Variants in USH2A observed in about 807,000 individuals in gnomAD.
The protein encoded by USH2A is usherin, also known as Usher syndrome 2A (autosomal recessive, mild).
In USH2A, 443 loss-of-function variants were observed where a neutral mutation model predicts 538.9. The ratio of observed to expected loss-of-function variants is 0.82; its 90% CI spans 0.76 to 0.89. The LOEUF is 0.89. Among genes scored for constraint, USH2A ranks in the 40% least tolerant of loss-of-function variants. USH2A has a pLI of 0.00. For missense variants in USH2A, 6,633 were observed against 6,324.8 expected, an observed-to-expected ratio of 1.05 and a Z score of -1.65; for synonymous variants, 2,413 against 2,273.5, an observed-to-expected ratio of 1.06 and a Z score of -1.75.
intron 64 of USH2A, among the ~76,000 whole-genome samples, chr1:215,667,785 C>G (rs1657679546): frequency 6.6e-6 from 1 of 152,122 alleles, no homozygotes; most frequent in Non-Finnish European, 1.5e-5. Flanking sequence ...GCGATACCCT[C>G]TTCTATCACT....
At chr1:216,174,771 G>A (rs998924128) in intron 21 of USH2A, 47 of 997,234 alleles carry the variant, frequency 4.7e-5, no homozygotes, top group Non-Finnish European at 5.6e-5. Context: ...GAAACAGCAA[G>A]AGAAAGAAAA....
At chr1:216,322,789 C>T (rs1188623391) in intron 8 of USH2A, among the ~76,000 whole-genome samples, 1 of 151,726 alleles carries the variant, frequency 6.6e-6, no homozygotes, top group African/African-American at 2.4e-5. Context: ...GTATTTTGGT[C>T]TGCTTTTAAA....
intron 20 of USH2A, among the ~76,000 whole-genome samples, chr1:216,185,572 A>C (rs570563552): frequency 6.6e-6 from 1 of 152,050 alleles, no homozygotes; most frequent in Admixed American, 6.6e-5. Context: ...CATATGAGCT[A>C]TTAGACATAA....
intron 70 of USH2A, among the ~76,000 whole-genome samples, chr1:215,633,458 T>C (rs1407303163): frequency 3.3e-5 from 5 of 152,170 alleles, no homozygotes; most frequent in Non-Finnish European, 7.3e-5. Context: ...TCCAGCTATG[T>C]TGGGGCTTAA....
chr1:216,306,124 C>T (rs962148165), intron 9 of USH2A, among the ~76,000 whole-genome samples: 2 of 152,080 alleles, frequency 1.3e-5, no homozygotes, highest in African/African-American at 4.8e-5. Context: ...GTTTAGATTT[C>T]TCTTCTTCCT....
chr1:215,969,643 C>T (rs965238936), intron 36 of USH2A, among the ~76,000 whole-genome samples: 6 of 151,636 alleles, frequency 4.0e-5, no homozygotes, highest in South Asian at 2.1e-4. Context: ...CTATAAAATG[C>T]TTAATGGCAA....
intron 14 of USH2A, among the ~76,000 whole-genome samples, chr1:216,218,228 T>G (rs146381961): frequency 2.4e-3 from 362 of 152,290 alleles, no homozygotes; most frequent in African/African-American, 8.3e-3. Flanking sequence ...GTAAGATAAC[T>G]TTAGTGCAAC....
In USH2A at chr1:216,046,612, T is replaced by C. The variant is rs879507418; in HGVS notation, c.6164-20A>G. 1.9e-6 allele frequency: 3 copies of C among 1,613,308 alleles called. No homozygotes were observed. Among genetic ancestry groups the C allele is most frequent in the Non-Finnish European group, 2.5e-6 (3 of 1,179,524 alleles). ...GTGGGGCTGTGGAAGAAAAGATTTA[T>C]AGAGTCTAATTTTAGTTTACTTTTC... On this transcript the variant is annotated intron_variant, in intron 31 of 71. Transcript: ENST00000307340.
chr1:215,729,004 T>C lies in USH2A; in HGVS notation c.11712-620A>G, dbSNP rs12034292. Among the ~76,000 whole-genome samples the C allele has an allele frequency of 6.4e-4, 97 of 152,264 alleles. No homozygotes were observed. The East Asian group carries it at 0.017, about 26-fold the overall frequency. Reference sequence around the variant, plus strand: ...AAATGGATTGCAGCTAGGGTCCCAATGTGTTTGTCTTCCTGTATCCAGGCC... The same window carrying C: ...AAATGGATTGCAGCTAGGGTCCCAACGTGTTTGTCTTCCTGTATCCAGGCC... On this transcript the variant is annotated intron_variant, in intron 60 of 71. Coordinates refer to ENST00000307340, the MANE Select transcript of USH2A (RefSeq NM_206933.4).
chr1:215,644,966 G>A (rs973562503), intron 67 of USH2A, among the ~76,000 whole-genome samples: 1 of 152,196 alleles, frequency 6.6e-6, no homozygotes, highest in Non-Finnish European at 1.5e-5. Flanking sequence ...GGGATGGTGA[G>A]TAATGAAGTG....
chr1:215,811,227 C>T (rs1662665200), intron 49 of USH2A, among the ~76,000 whole-genome samples: 2 of 152,146 alleles, frequency 1.3e-5, no homozygotes, highest in Non-Finnish European at 2.9e-5. Flanking sequence ...CAAACTTGCT[C>T]CTTGCTTGGG....
intron 49 of USH2A, among the ~76,000 whole-genome samples, chr1:215,807,380 T>C (rs1662533480): frequency 6.6e-6 from 1 of 152,120 alleles, no homozygotes; most frequent in Non-Finnish European, 1.5e-5. Context: ...CTGAGCGATA[T>C]TTAATTTCCC....
chr1:215,833,211 T>G (rs1663373672), intron 47 of USH2A, among the ~76,000 whole-genome samples: 1 of 151,868 alleles, frequency 6.6e-6, no homozygotes, highest in African/African-American at 2.4e-5. Flanking sequence ...TTTCTGAAAT[T>G]TATATGGACA....
At chr1:216,130,615 T>C (rs893403400) in intron 21 of USH2A, among the ~76,000 whole-genome samples, 10 of 146,286 alleles carry the variant, frequency 6.8e-5, no homozygotes, top group Non-Finnish European at 1.2e-4. Flanking sequence ...ATATATACTA[T>C]ATATATACAT....
intron 37 of USH2A, among the ~76,000 whole-genome samples, chr1:215,953,790 G>A (rs1306214574): frequency 2.0e-5 from 3 of 151,676 alleles, no homozygotes; most frequent in Non-Finnish European, 4.4e-5. Flanking sequence ...TACAGAATGG[G>A]AGAAATTTTT....
At chr1:215,783,500 C>T (rs2102764125) in intron 52 of USH2A, among the ~76,000 whole-genome samples, 1 of 152,234 alleles carries the variant, frequency 6.6e-6, no homozygotes, top group African/African-American at 2.4e-5. Flanking sequence ...AAAGCCAGAA[C>T]TGAAAACCAA....
intron 64 of USH2A, among the ~76,000 whole-genome samples, chr1:215,654,698 T>G (rs1161422195): frequency 6.6e-6 from 1 of 152,196 alleles, no homozygotes; most frequent in Non-Finnish European, 1.5e-5. Context: ...AAAACTAAAA[T>G]TGTTTAGCCA....
rs1037072307 is a variant in USH2A at position 216,324,338 on chromosome 1, G to T, written c.1158C>A (p.Ile386=). 13 of 1,611,084 alleles carry T rather than the reference G, an allele frequency of 8.1e-6. No homozygotes were observed. The African/African-American group carries it at 1.6e-4, about 20-fold the overall frequency. ...ENGQYQVFYI[I]IQFFSPQPTE... ...TTGGTTGTGGACTAAAGAACTGAAT[G>T]ATAATATAAAACACCTGAAAATGGA... The change falls in exon 7 of 72, where the codon ATC becomes ATA. Residue 386 remains isoleucine (I), a synonymous_variant. Transcript: ENST00000307340.
chr1:215,982,028 T>G (rs529143366), intron 35 of USH2A, among the ~76,000 whole-genome samples: 3 of 152,362 alleles, frequency 2.0e-5, no homozygotes, highest in African/African-American at 7.2e-5. Context: ...AACAAATTAG[T>G]TCTTGAGTGC....
Sources: allele counts gnomAD v4.1 joint callset (sites outside exome capture counted in the v4.1 genomes callset), GRCh38; gene constraint gnomAD v4.1.1; transcripts MANE v1.5; gene names NCBI Gene and HGNC (gene_info 2026-07-23, HGNC 2026-07-21).